STPG4: variants seen among roughly 807,000 people sequenced by gnomAD.
STPG4 encodes the protein sperm-tail PG-rich repeat containing 4.
Under a neutral mutation model 31.5 loss-of-function variants are expected in STPG4, and 41 were observed. That is an observed-to-expected ratio of 1.30 (90% CI 1.01 to 1.69). STPG4 has a LOEUF of 1.69. Ranked by LOEUF, STPG4 falls within the 40% of genes most tolerant of loss-of-function variation. STPG4 has a pLI of 0.00. For missense variants in STPG4, 375 were observed against 293.4 expected, an observed-to-expected ratio of 1.28 and a Z score of -2.03; for synonymous variants, 141 against 103.0, an observed-to-expected ratio of 1.37 and a Z score of -2.24.
In STPG4 at chr2:47,144,423, G is replaced by T. The variant is rs528550061; in HGVS notation, c.399+6835C>A. Among the ~76,000 whole-genome samples the T allele has an allele frequency of 3.9e-5, 6 of 152,266 alleles. No individual in the cohort carries two copies. The East Asian group carries it at 1.2e-3, about 29-fold the overall frequency. ...AGACTGGACATGGTGGCTCACACTT[G>T]TCATCTCAGCACTTGGGGAGGCTGA... On this transcript the variant is annotated intron_variant, in intron 3 of 6. Coordinates refer to ENST00000445927, the MANE Select transcript of STPG4 (RefSeq NM_001163561.2).
chr2:47,132,923 A>G (rs905010621), intron 3 of STPG4, among the ~76,000 whole-genome samples: 1 of 152,156 alleles, frequency 6.6e-6, no homozygotes, highest in Non-Finnish European at 1.5e-5. Context: ...AACTATTAGC[A>G]TTACTCTGGA....
intron 3 of STPG4, among the ~76,000 whole-genome samples, chr2:47,134,302 T>A (rs976760388): frequency 6.6e-6 from 1 of 152,222 alleles, no homozygotes; most frequent in African/African-American, 2.4e-5. Flanking sequence ...ATGTATCCAC[T>A]ATTATAGTAT....
At chr2:47,090,448 C>A (rs1685548241) in intron 5 of STPG4, 74 bp from the exon 6 acceptor site, 1 of 943,152 alleles carries the variant, frequency 1.1e-6, no homozygotes, top group East Asian at 2.6e-5. Context: ...TTGCCTTCTA[C>A]AAATAAACAT....
At chr2:47,123,819 A>G (rs932115981) in intron 5 of STPG4, among the ~76,000 whole-genome samples, 10 of 152,204 alleles carry the variant, frequency 6.6e-5, no homozygotes, top group Non-Finnish European at 1.5e-4. Context: ...GTTTATGGCC[A>G]CATAGTAGGT....
chr2:47,099,804 C>A (rs964901161), intron 5 of STPG4, among the ~76,000 whole-genome samples: 1 of 152,240 alleles, frequency 6.6e-6, no homozygotes, highest in Non-Finnish European at 1.5e-5. Context: ...TGGGCATGGG[C>A]TTGGTGGGCC....
At chr2:47,107,877 C>T (rs1685952477) in intron 5 of STPG4, among the ~76,000 whole-genome samples, 1 of 152,072 alleles carries the variant, frequency 6.6e-6, no homozygotes, top group African/African-American at 2.4e-5. Context: ...TTTGTGAATG[C>T]ATCAATCCAC....
chr2:47,088,065 TTTTG>T (rs1026343638), intron 6 of STPG4, among the ~76,000 whole-genome samples: 8 of 151,906 alleles, frequency 5.3e-5, no homozygotes, highest in South Asian at 2.1e-4. Flanking sequence ...GGTTTTTTGT[TTTTG>T]TTTGTTTGTT....
At chr2:47,094,139 C>T (rs904878974) in intron 5 of STPG4, among the ~76,000 whole-genome samples, 5 of 152,182 alleles carry the variant, frequency 3.3e-5, no homozygotes, top group African/African-American at 7.2e-5. Flanking sequence ...GTGTATGATA[C>T]GTGTGCAGAG....
chr2:47,098,823 G>C (rs966339614), intron 5 of STPG4, among the ~76,000 whole-genome samples: 2 of 150,774 alleles, frequency 1.3e-5, no homozygotes, highest in African/African-American at 4.9e-5. Flanking sequence ...ACAGAGAAAA[G>C]CTACAGCCAC....
At chr2:47,110,185 G>A (rs1366209666) in intron 5 of STPG4, among the ~76,000 whole-genome samples, 1 of 152,182 alleles carries the variant, frequency 6.6e-6, no homozygotes, top group Non-Finnish European at 1.5e-5. Context: ...ACGAATGACT[G>A]AGTCCTAATT....
At position 47,152,663 on chromosome 2, in the gene STPG4, T is replaced by C. The variant is rs1340484980; in HGVS notation, c.141+294A>G. The stretch of plus-strand genomic sequence containing the variant: ...TTTCCAGAATGTATGCTTTTTTTGT[T>C]TTGCAATCTCACCCAGATCATAAGA... On this transcript the variant is annotated intron_variant, in intron 2 of 6. Transcript: ENST00000445927. 2.0e-5 allele frequency among the ~76,000 whole-genome samples: 3 copies of C among 152,216 alleles called. No individual in the cohort carries two copies. In the East Asian group the frequency reaches 5.8e-4, roughly 29 times the overall value.
At chr2:47,147,912 A>G (rs1693889) in intron 3 of STPG4, among the ~76,000 whole-genome samples, 46,049 of 151,568 alleles carry the variant, frequency 0.3, 7,280 homozygotes, top group African/African-American at 0.37. Flanking sequence ...AGATAAGTAT[A>G]TGCATGCACA....
At chr2:47,128,641 T>C (rs931674522) in intron 5 of STPG4, among the ~76,000 whole-genome samples, 1 of 152,100 alleles carries the variant, frequency 6.6e-6, no homozygotes. Context: ...TTCAGTCAGC[T>C]TGTGAGGAAG....
Position 47,086,999 on chromosome 2 carries a change from A to C in STPG4, c.*9T>G, listed in dbSNP as rs1303977927. The C allele has an allele frequency of 6.4e-7, 1 of 1,551,526 alleles. No individual in the cohort carries two copies. The highest frequency in any genetic ancestry group is 8.7e-7 in the Non-Finnish European group (1 of 1,146,946). On this transcript the variant is annotated 3_prime_UTR_variant, in exon 7 of 7. Coordinates refer to ENST00000445927, the MANE Select transcript of STPG4 (RefSeq NM_001163561.2). Reference sequence around the variant, plus strand: ...AAACCTCAAAGTAGAGCTTGGTGCCAAGATCACTTTATTTTAAAAGCCAAT... The same window carrying C: ...AAACCTCAAAGTAGAGCTTGGTGCCCAGATCACTTTATTTTAAAAGCCAAT...
chr2:47,111,805 A>G (rs1427150722), intron 5 of STPG4, among the ~76,000 whole-genome samples: 1 of 152,230 alleles, frequency 6.6e-6, no homozygotes, highest in African/African-American at 2.4e-5. Context: ...CCAATGACTC[A>G]GTTATTTCGA....
intron 5 of STPG4, among the ~76,000 whole-genome samples, chr2:47,091,377 G>A (rs1000574015): frequency 6.6e-6 from 1 of 152,182 alleles, no homozygotes; most frequent in African/African-American, 2.4e-5. Context: ...CAGGAAACCA[G>A]GAGACAAATG....
chr2:47,129,792 T>C, intron 5 of STPG4, 149 bp downstream of exon 5: 1 of 970,630 alleles, frequency 1.0e-6, no homozygotes, highest in East Asian at 2.6e-5. Context: ...AGGTGTTTTC[T>C]TGTGTGGATA....
At chr2:47,141,426 G>C (rs1031388815) in intron 3 of STPG4, among the ~76,000 whole-genome samples, 5 of 151,548 alleles carry the variant, frequency 3.3e-5, no homozygotes, top group African/African-American at 1.2e-4. Flanking sequence ...AGAACTACAA[G>C]TGAGTGTCAT....
chr2:47,092,158 C>CTTTTTTTTTTT (rs1553422665), intron 5 of STPG4, among the ~76,000 whole-genome samples: 1 of 121,022 alleles, frequency 8.3e-6, no homozygotes, highest in Non-Finnish European at 1.8e-5. Context: ...TCTAATTTTT[C>CTTTTTTTTTTT]TACAATGAAC....
Sources: allele counts gnomAD v4.1 joint callset (sites outside exome capture counted in the v4.1 genomes callset), GRCh38; gene constraint gnomAD v4.1.1; transcripts MANE v1.5; gene names NCBI Gene and HGNC (gene_info 2026-07-23, HGNC 2026-07-21).